Variants in ERCC5 observed in about 807,000 individuals in gnomAD.
The protein encoded by ERCC5 is DNA excision repair protein ERCC-5.
A neutral mutation model predicts 105.6 loss-of-function variants in ERCC5; 68 were observed. The ratio of observed to expected loss-of-function variants is 0.64; its 90% CI spans 0.53 to 0.79. The LOEUF is 0.79. Among genes scored for constraint, ERCC5 ranks in the 30% least tolerant of loss-of-function variants. The pLI, the probability that ERCC5 is intolerant of heterozygous loss-of-function variation, is 0.00. For synonymous variants in ERCC5, 546 were observed against 526.2 expected (o/e 1.04, Z -0.51); for missense variants, 1,373 against 1,426.7 (o/e 0.96, Z 0.61).
chr13:102,855,839 A>AC (rs1242450576), intron 4 of ERCC5, among the ~76,000 whole-genome samples: 1 of 152,138 alleles, frequency 6.6e-6, no homozygotes, highest in Non-Finnish European at 1.5e-5. Flanking sequence ...ATCTCTAGTG[A>AC]CCTGCCCTTC....
intron 14 of ERCC5, among the ~76,000 whole-genome samples, chr13:102,874,406 G>A (rs1883128554): frequency 6.6e-6 from 1 of 152,156 alleles, no homozygotes; most frequent in Non-Finnish European, 1.5e-5. Flanking sequence ...AATTCCAGAT[G>A]ACTAGATTAT....
In ERCC5 at chr13:102,873,130, C is replaced by G. The variant is rs1302769770; in HGVS notation, c.2880-129C>G. 5.5e-6 allele frequency: 6 copies of G among 1,085,082 alleles called. No individual in the cohort carries two copies. In the East Asian group the frequency reaches 1.5e-4, roughly 28 times the overall value. 67.2% of individuals were successfully genotyped at this position (1,085,082 alleles called of 1,614,324 possible). A position where few individuals can be genotyped will look rare whatever the true frequency, so the allele number is the denominator to read the frequency against. ...TTTGTTAGTACTTTCTTTTAGCACT[C>G]TAATCTTTATAAATAGGAAAATCTT... On this transcript the variant is annotated intron_variant, in intron 13 of 14. Coordinates refer to ENST00000652225, the MANE Select transcript of ERCC5 (RefSeq NM_000123.4).
Position 102,875,806 on chromosome 13 carries a change from G to T in ERCC5, c.3464G>T (p.Gly1155Val), listed in dbSNP as rs753573910. ...AGCTCTAGTGATAGTGATGACGATG[G>T]AGGGAAAGAGAAGATGGTCCTCGTG... is the stretch of plus-strand genomic sequence containing the variant. The part of the protein sequence containing the change: ...TSSSSDSDDD[G>V]GKEKMVLVTA... Residue 1155 changes from glycine to valine, a missense_variant, in exon 15 of 15, where the codon GGA becomes GTA. Around this residue, in one of 3 missense-constraint regions of ERCC5, gnomAD observed 367 missense variants for 350.2 expected, o/e 1.05. Transcript: ENST00000652225. The T allele has an allele frequency of 3.2e-5, 52 of 1,613,894 alleles. No homozygotes were observed. Among genetic ancestry groups the T allele is most frequent in the Non-Finnish European group, 4.2e-5 (50 of 1,180,042 alleles).
chr13:102,865,779 G>T lies in ERCC5; in HGVS notation c.2067G>T (p.Arg689Ser). The T allele has an allele frequency of 6.2e-7, 1 of 1,614,168 alleles. No individual in the cohort carries two copies. The highest frequency in any genetic ancestry group is 8.5e-7 in the Non-Finnish European group (1 of 1,180,028). The change falls in exon 9 of 15, where the codon AGG (arginine) becomes AGT (serine). Residue 689 changes from arginine (R) to serine (S), a missense_variant. Around this residue, in one of 3 missense-constraint regions of ERCC5, gnomAD observed 1,004 missense variants for 1,059.7 expected, o/e 0.95. Transcript: ENST00000652225. The surrounding 1 kb of genome is among the most constrained non-coding windows in gnomAD (Gnocchi z 4.0). ...GCGAAGAGGAACTGGTAGGAACTAG[G>T]GAGGGAGAAGCCCCTGCTGAGTCCG... ...EQGEEELVGT[R>S]EGEAPAESES...
intron 13 of ERCC5, 31 bp from the exon 14 acceptor site, chr13:102,873,228 C>T (rs2140539825): frequency 1.2e-6 from 2 of 1,613,046 alleles, no homozygotes; most frequent in East Asian, 2.2e-5. Context: ...AAATATCTTT[C>T]AAAATATTTA....
At position 102,872,557 on chromosome 13, in the gene ERCC5, AGTT is replaced by A. The variant is rs1276780280; in HGVS notation, c.2879+166_2879+168del. 4.0e-5 allele frequency among the ~76,000 whole-genome samples: 6 copies of A among 151,438 alleles called. No individual in the cohort carries two copies. The South Asian group carries it at 6.3e-4, about 16-fold the overall frequency. On this transcript the variant is annotated intron_variant, in intron 13 of 14. Transcript: ENST00000652225. Reference sequence around the variant, plus strand: ...TTTTCACTCTTTCTTCCCTCTCCTCAGTTGTTGTTTTTTGTTTGTTTGTTTGTT... The same window carrying A: ...TTTTCACTCTTTCTTCCCTCTCCTCAGTTGTTTTTTGTTTGTTTGTTTGTT...
chr13:102,861,214 C>T (rs1026566641), intron 6 of ERCC5, among the ~76,000 whole-genome samples: 27 of 152,094 alleles, frequency 1.8e-4, no homozygotes, highest in African/African-American at 3.6e-4. Context: ...GTCTCGAACT[C>T]CTGACCTCCG....
At chr13:102,854,488 G>T in intron 4 of ERCC5, 114 bp downstream of exon 4, 1 of 1,012,200 alleles carries the variant, frequency 9.9e-7, no homozygotes, top group Non-Finnish European at 1.5e-6. Context: ...TAATGCATCT[G>T]AAATAGGCAT....
rs1439828234 is a variant in ERCC5 at position 102,865,224 on chromosome 13, A to G, written c.1955-443A>G. ...GAGAAGGAAAGACAGTAAGACAGTA[A>G]GAGAGGAGAGAAGGGAAGTGGAAGA... is the stretch of plus-strand genomic sequence containing the variant. On this transcript the variant is annotated intron_variant, in intron 8 of 14. Transcript: ENST00000652225. This position sits in a 1 kb window ranked among gnomAD's most constrained non-coding sequence, Gnocchi z 4.0. 2 of 237,596 alleles carry G rather than the reference A, an allele frequency of 8.4e-6. No homozygotes were observed. The highest frequency in any genetic ancestry group is 2.3e-5 in the African/African-American group (1 of 42,998). The allele number at this position is 237,596 out of a possible 1,614,324, so 14.7% of individuals were successfully genotyped here.
At chr13:102,864,435 C>A (rs1274643095) in intron 8 of ERCC5, among the ~76,000 whole-genome samples, 1 of 152,084 alleles carries the variant, frequency 6.6e-6, no homozygotes, top group African/African-American at 2.4e-5. Context: ...TCCTTCTCCC[C>A]ATTTATTTTT....
At chr13:102,849,601 G>T (rs1435826340) in intron 1 of ERCC5, among the ~76,000 whole-genome samples, 1 of 152,088 alleles carries the variant, frequency 6.6e-6, no homozygotes, top group East Asian at 1.9e-4. Context: ...GTTAGTAAAA[G>T]TTAGGCAGTG....
chr13:102,866,639 T>C lies in ERCC5; in HGVS notation c.2327T>C (p.Leu776Pro), dbSNP rs756639150. ...GTACCCCTCACTCTGCAGGAACTCC[T>C]GCGCCTGTTCGGCATTCCCTACATC... ...GQMFLESQEL[L>P]RLFGIPYIQA... is the part of the protein sequence containing the mutation. Residue 776 changes from leucine (L) to proline (P), a missense_variant, in exon 11 of 15, where the codon CTG becomes CCG. Leu to Pro is a moderately conservative substitution (Grantham distance 98, BLOSUM62 -3). Around this residue, in one of 3 missense-constraint regions of ERCC5, gnomAD observed 1,004 missense variants for 1,059.7 expected, o/e 0.95. Coordinates refer to ENST00000652225, the MANE Select transcript of ERCC5 (RefSeq NM_000123.4). 2 of 1,613,302 alleles carry C rather than the reference T, an allele frequency of 1.2e-6. No homozygotes were observed. The highest frequency in any genetic ancestry group is 1.1e-5 in the South Asian group (1 of 91,044).
At chr13:102,866,945 A>T in intron 11 of ERCC5, 100 bp downstream of exon 11, 1 of 1,345,576 alleles carries the variant, frequency 7.4e-7, no homozygotes, top group Non-Finnish European at 1.0e-6. Context: ...GCATTGATGG[A>T]AATTGCAGGT....
Position 102,875,951 on chromosome 13 carries a change from T to C in ERCC5, c.*48T>C. 1 of 1,592,222 alleles carries C rather than the reference T, an allele frequency of 6.3e-7. No homozygotes were observed. Among genetic ancestry groups the C allele is most frequent in the Non-Finnish European group, 8.5e-7 (1 of 1,175,240 alleles). ...AATTAGTTATGACAGCCATTTGTAA[T>C]GAATTTGTCGCAAAGACGTAATAAA... On this transcript the variant is annotated 3_prime_UTR_variant, in exon 15 of 15. Coordinates refer to ENST00000652225, the MANE Select transcript of ERCC5 (RefSeq NM_000123.4).
At chr13:102,849,732 G>T (rs1236994101) in intron 1 of ERCC5, among the ~76,000 whole-genome samples, 1 of 152,188 alleles carries the variant, frequency 6.6e-6, no homozygotes, top group East Asian at 1.9e-4. Context: ...GGAGCACACA[G>T]GCTGGGTTTT....
intron 3 of ERCC5, 136 bp from the exon 4 acceptor site, chr13:102,854,152 C>A: frequency 1.1e-6 from 1 of 941,084 alleles, no homozygotes; most frequent in Non-Finnish European, 1.7e-6. Flanking sequence ...GGTGAGCAGC[C>A]CCGCCAAGGT....
intron 6 of ERCC5, among the ~76,000 whole-genome samples, chr13:102,859,613 A>G (rs1882548129): frequency 6.6e-6 from 1 of 152,180 alleles, no homozygotes; most frequent in Non-Finnish European, 1.5e-5. Context: ...GACAGTCCCT[A>G]ATGATTTACT....
intron 2 of ERCC5, among the ~76,000 whole-genome samples, chr13:102,852,979 CT>C (rs1392059881): frequency 7.2e-5 from 11 of 152,058 alleles, no homozygotes; most frequent in African/African-American, 2.7e-4. Flanking sequence ...GGATATATGA[CT>C]TTTATTTGTT....
At chr13:102,872,077 A>G (rs1462175509) in intron 12 of ERCC5, 121 bp from the exon 13 acceptor site, 4 of 1,152,484 alleles carry the variant, frequency 3.5e-6, no homozygotes, top group African/African-American at 3.1e-5. Flanking sequence ...AAAATATTCT[A>G]TATAGCATAC....
Sources: allele counts gnomAD v4.1 joint callset (sites outside exome capture counted in the v4.1 genomes callset), GRCh38; gene constraint gnomAD v4.1.1; regional missense constraint gnomAD v4.1.1; non-coding constraint Gnocchi (gnomAD v3.1); transcripts MANE v1.5; gene names NCBI Gene and HGNC (gene_info 2026-07-23, HGNC 2026-07-21).